RAD51B: variants seen among roughly 807,000 people sequenced by gnomAD.
The protein encoded by RAD51B is RAD51 paralog B, also known as DNA repair protein RAD51 homolog 2.
Under a neutral mutation model 42.2 loss-of-function variants are expected in RAD51B, and 38 were observed. The observed-to-expected ratio is 0.90, with a 90% confidence interval of 0.70 to 1.18. RAD51B has a LOEUF of 1.18. Among genes scored for constraint, RAD51B ranks in the 50% most tolerant of loss-of-function variants. The probability of loss-of-function intolerance (pLI) is 0.00; values close to 1 mark genes in which losing one functional copy is unlikely to be tolerated. For missense variants in RAD51B, 373 were observed against 400.7 expected, an observed-to-expected ratio of 0.93 and a Z score of 0.59; for synonymous variants, 154 against 145.2, an observed-to-expected ratio of 1.06 and a Z score of -0.43.
chr14:68,088,605 T>C (rs1312264529), intron 7 of RAD51B, among the ~76,000 whole-genome samples: 3 of 144,252 alleles, frequency 2.1e-5, no homozygotes, highest in Non-Finnish European at 4.5e-5. Context: ...TGTGTGTGTG[T>C]GTGCGCGTGT....
chr14:68,223,914 GTTT>G (rs1251747585), intron 7 of RAD51B, among the ~76,000 whole-genome samples: 2 of 152,182 alleles, frequency 1.3e-5, no homozygotes, highest in Non-Finnish European at 2.9e-5. Context: ...GACAAACCCA[GTTT>G]TTGTAGCTGT....
chr14:68,246,221 CTGTT>C (rs2080495939), intron 7 of RAD51B, among the ~76,000 whole-genome samples: 1 of 151,828 alleles, frequency 6.6e-6, no homozygotes, highest in Admixed American at 6.6e-5. Context: ...CCTCCTGGCT[CTGTT>C]TGGCCATGGG....
intron 7 of RAD51B, among the ~76,000 whole-genome samples, chr14:68,212,548 C>T (rs1300764007): frequency 6.6e-6 from 1 of 152,172 alleles, no homozygotes; most frequent in Non-Finnish European, 1.5e-5. Context: ...GGGGACTTTC[C>T]ATTGGAACCA....
At chr14:67,851,884 G>C (rs1329330260) in intron 4 of RAD51B, among the ~76,000 whole-genome samples, 2 of 152,048 alleles carry the variant, frequency 1.3e-5, no homozygotes, top group Admixed American at 6.5e-5. Context: ...TGTGCTGGCG[G>C]CCCAAGTCAG....
chr14:68,492,083 C>A (rs1008884800), intron 10 of RAD51B, among the ~76,000 whole-genome samples: 3 of 152,214 alleles, frequency 2.0e-5, no homozygotes, highest in African/African-American at 7.2e-5. Context: ...ACTTCTGAAC[C>A]CTTGCTGGAA....
intron 8 of RAD51B, among the ~76,000 whole-genome samples, chr14:68,389,172 A>T (rs1056045193): frequency 6.6e-6 from 1 of 152,330 alleles, no homozygotes; most frequent in Non-Finnish European, 1.5e-5. Flanking sequence ...CGTAGTGTAT[A>T]GCTCCATGAA....
intron 9 of RAD51B, among the ~76,000 whole-genome samples, chr14:68,429,696 G>C (rs528403345): frequency 1.3e-5 from 2 of 152,244 alleles, no homozygotes; most frequent in African/African-American, 4.8e-5. Context: ...CATTCTGTAG[G>C]TTGCCTGTTC....
intron 8 of RAD51B, among the ~76,000 whole-genome samples, chr14:68,370,974 C>T (rs562605823): frequency 3.2e-4 from 41 of 126,822 alleles, no homozygotes; most frequent in African/African-American, 1.2e-3. Context: ...GAGGTGGAGG[C>T]TGCAGTGAGC....
In RAD51B at chr14:68,627,436, A is replaced by C. The variant is rs370865279; in HGVS notation, c.1037-23345A>C. Reference sequence around the variant, plus strand: ...GGGCTACTGCAGACTCCTAGCATACAAGTCACGAGACCTCCTTTGAGTCCT... The same window carrying C: ...GGGCTACTGCAGACTCCTAGCATACCAGTCACGAGACCTCCTTTGAGTCCT... On this transcript the variant is annotated intron_variant, in intron 10 of 11. Transcript: ENST00000488612. 13 of 152,358 alleles carry C rather than the reference A, an allele frequency of 8.5e-5. No individual in the cohort carries two copies. The East Asian group carries it at 2.5e-3, about 29-fold the overall frequency. The allele number at this position is 152,358 out of a possible 1,614,324, so 9.4% of individuals were successfully genotyped here.
chr14:68,149,228 T>C (rs2078321387), intron 7 of RAD51B, among the ~76,000 whole-genome samples: 1 of 152,228 alleles, frequency 6.6e-6, no homozygotes, highest in Non-Finnish European at 1.5e-5. Flanking sequence ...ACATCAATTT[T>C]TTTTTCATGG....
At chr14:68,167,183 T>A (rs891947840) in intron 7 of RAD51B, among the ~76,000 whole-genome samples, 13 of 152,208 alleles carry the variant, frequency 8.5e-5, no homozygotes, top group Non-Finnish European at 1.2e-4. Context: ...ATCTTAATAA[T>A]CTTTACCTTG....
intron 7 of RAD51B, among the ~76,000 whole-genome samples, chr14:68,235,470 C>T (rs1330706515): frequency 1.3e-5 from 2 of 151,398 alleles, no homozygotes; most frequent in Non-Finnish European, 2.9e-5. Flanking sequence ...TTTGGGAGGC[C>T]GAGGCGGGCG....
At chr14:67,939,086 C>T (rs1476676566) in intron 7 of RAD51B, among the ~76,000 whole-genome samples, 5 of 151,994 alleles carry the variant, frequency 3.3e-5, no homozygotes, top group Admixed American at 6.6e-5. Flanking sequence ...TGCTAGGTAC[C>T]GGGAAATTAG....
chr14:68,455,370 T>G (rs2085658154), intron 9 of RAD51B, among the ~76,000 whole-genome samples: 2 of 152,182 alleles, frequency 1.3e-5, no homozygotes, highest in African/African-American at 4.8e-5. Flanking sequence ...CTACAAAGAA[T>G]TCTTCAGGCT....
intron 1 of RAD51B, chr14:67,822,368 G>A (rs2040660628): frequency 1.3e-5 from 2 of 152,062 alleles, no homozygotes; most frequent in Admixed American, 1.3e-4. Context: ...GAGAATATAA[G>A]CAGCTAGTGT....
chr14:67,827,971 A>G (rs2040890573), intron 3 of RAD51B, among the ~76,000 whole-genome samples: 1 of 152,286 alleles, frequency 6.6e-6, no homozygotes, highest in South Asian at 2.1e-4. Flanking sequence ...TATATTTATA[A>G]TAGAATGATT....
At chr14:68,441,145 C>G (rs765444859) in intron 9 of RAD51B, among the ~76,000 whole-genome samples, 5 of 152,186 alleles carry the variant, frequency 3.3e-5, no homozygotes, top group Non-Finnish European at 7.3e-5. Context: ...GTTCTTTCTT[C>G]TGACCAAGTT....
intron 10 of RAD51B, among the ~76,000 whole-genome samples, chr14:68,521,042 T>C (rs1433842224): frequency 6.6e-6 from 1 of 152,082 alleles, no homozygotes; most frequent in African/African-American, 2.4e-5. Flanking sequence ...AGATGTCAAG[T>C]AGGCAACTGA....
At chr14:67,864,874 C>T (rs1392352927) in intron 4 of RAD51B, 129 bp from the exon 5 acceptor site, 1 of 1,365,046 alleles carries the variant, frequency 7.3e-7, no homozygotes, top group African/African-American at 1.4e-5. Flanking sequence ...TAATTCTCTC[C>T]TGGGAACCCA....
Sources: allele counts gnomAD v4.1 joint callset (sites outside exome capture counted in the v4.1 genomes callset), GRCh38; gene constraint gnomAD v4.1.1; transcripts MANE v1.5; gene names NCBI Gene and HGNC (gene_info 2026-07-23, HGNC 2026-07-21).